OCA2: variants seen among roughly 807,000 people sequenced by gnomAD.
OCA2 encodes the protein OCA2 melanosomal transmembrane protein.
Under a neutral mutation model 100.2 loss-of-function variants are expected in OCA2, and 77 were observed. The observed-to-expected ratio is 0.77, with a 90% CI of 0.64 to 0.93. The LOEUF (loss-of-function observed/expected upper bound fraction) is 0.93. Among genes scored for constraint, OCA2 ranks in the 40% least tolerant of loss-of-function variants. The probability of loss-of-function intolerance (pLI) is 0.00; values close to 1 mark genes in which losing one functional copy is unlikely to be tolerated. For missense variants in OCA2, 1,062 were observed against 1,089.1 expected (o/e 0.98, Z 0.35); for synonymous variants, 432 against 439.2 (o/e 0.98, Z 0.21).
chr15:27,878,252 G>C (rs1257787330), intron 19 of OCA2, among the ~76,000 whole-genome samples: 1 of 151,790 alleles, frequency 6.6e-6, no homozygotes, highest in African/African-American at 2.4e-5. Context: ...TTTGAAGAAC[G>C]TAAGAGGGAA....
At chr15:28,080,281 A>G (rs999717684) in intron 2 of OCA2, among the ~76,000 whole-genome samples, 3 of 152,240 alleles carry the variant, frequency 2.0e-5, no homozygotes, top group African/African-American at 4.8e-5. Flanking sequence ...ATCTGGGGGG[A>G]ACAGACACAT....
chr15:27,980,735 A>G (rs1463124360), intron 14 of OCA2, among the ~76,000 whole-genome samples: 1 of 152,236 alleles, frequency 6.6e-6, no homozygotes, highest in Non-Finnish European at 1.5e-5. Context: ...ATCTCTAAAG[A>G]GAAATATATT....
At chr15:28,096,230 T>TGTGTCTCCTGGGGCGTGGTC (rs2044979502) in intron 1 of OCA2, among the ~76,000 whole-genome samples, 1 of 145,302 alleles carries the variant, frequency 6.9e-6, no homozygotes, top group Admixed American at 6.8e-5. Context: ...GGGGCGTGGT[T>TGTGTCTCCTGGGGCGTGGTC]GTGTCTCCTG....
At chr15:27,910,954 TA>T (rs796194378) in intron 19 of OCA2, among the ~76,000 whole-genome samples, 2 of 145,554 alleles carry the variant, frequency 1.4e-5, no homozygotes, top group Non-Finnish European at 1.5e-5. Flanking sequence ...AGACTCCATC[TA>T]AAAAAAAAGA....
intron 18 of OCA2, among the ~76,000 whole-genome samples, chr15:27,942,878 C>A (rs1487932242): frequency 6.6e-6 from 1 of 152,022 alleles, no homozygotes; most frequent in Non-Finnish European, 1.5e-5. Context: ...TATTTATCAT[C>A]ATTCTGAAAT....
At chr15:27,932,787 A>G (rs2039301107) in intron 18 of OCA2, among the ~76,000 whole-genome samples, 1 of 152,232 alleles carries the variant, frequency 6.6e-6, no homozygotes, top group East Asian at 1.9e-4. Context: ...CAGTGACCAT[A>G]CATGACAAGG....
intron 4 of OCA2, among the ~76,000 whole-genome samples, chr15:28,025,840 T>G (rs1254745766): frequency 6.6e-6 from 1 of 152,272 alleles, no homozygotes; most frequent in Non-Finnish European, 1.5e-5. Flanking sequence ...TTGGAACATC[T>G]TTTTAATACT....
At position 27,836,242 on chromosome 15, in the gene OCA2, C is replaced by T. The variant is rs189394524; in HGVS notation, c.2432+8717G>A. On this transcript the variant is annotated intron_variant, in intron 23 of 23. Coordinates refer to ENST00000354638, the MANE Select transcript of OCA2 (RefSeq NM_000275.3). Reference sequence around the variant, plus strand: ...CAACAGGAGAGGTTCTTTGAGTTTACATTAAGGGAGGGAAAAGGGCAGGGG... The same window carrying T: ...CAACAGGAGAGGTTCTTTGAGTTTATATTAAGGGAGGGAAAAGGGCAGGGG... Among the ~76,000 whole-genome samples, 70 of 152,254 alleles carry T rather than the reference C, an allele frequency of 4.6e-4. 1 individual carries two copies. Among genetic ancestry groups the T allele is most frequent in the African/African-American group, 1.6e-3 (68 of 41,546 alleles).
chr15:27,879,254 A>C (rs180802425), intron 19 of OCA2, among the ~76,000 whole-genome samples: 1 of 152,278 alleles, frequency 6.6e-6, no homozygotes, highest in African/African-American at 2.4e-5. Flanking sequence ...CCAGGCTATC[A>C]TTGTAGGGCA....
At chr15:28,098,350 C>T (rs2045024018) in intron 1 of OCA2, among the ~76,000 whole-genome samples, 1 of 152,232 alleles carries the variant, frequency 6.6e-6, no homozygotes, top group South Asian at 2.1e-4. Context: ...AGCTCCTTGC[C>T]CTGGCAGGCC....
intron 9 of OCA2, among the ~76,000 whole-genome samples, chr15:27,993,027 G>C (rs1318107530): frequency 6.6e-6 from 1 of 152,266 alleles, no homozygotes; most frequent in East Asian, 1.9e-4. Flanking sequence ...GGGAGTCTGA[G>C]GTGGGAGAAT....
intron 19 of OCA2, among the ~76,000 whole-genome samples, chr15:27,891,969 A>G (rs2037480177): frequency 6.6e-6 from 1 of 152,166 alleles, no homozygotes. Flanking sequence ...TACTAGAGGG[A>G]CAGAAAATTA....
chr15:27,942,483 TC>T (rs899300676), intron 18 of OCA2, among the ~76,000 whole-genome samples: 3 of 151,904 alleles, frequency 2.0e-5, no homozygotes, highest in African/African-American at 7.3e-5. Flanking sequence ...ATTAGTGGTT[TC>T]CAGGGTCTGG....
intron 3 of OCA2, among the ~76,000 whole-genome samples, chr15:28,031,749 G>C (rs867977749): frequency 6.6e-6 from 1 of 152,124 alleles, no homozygotes; most frequent in South Asian, 2.1e-4. Context: ...ACAACCAAAA[G>C]TGTCTCCAGA....
the OCA2 span, among the ~76,000 whole-genome samples, chr15:27,745,752 C>T: frequency 2.0e-5 from 3 of 152,282 alleles, no homozygotes; most frequent in East Asian, 5.8e-4. Context: ...AAACATTTGC[C>T]ATCTATAGCA....
intron 2 of OCA2, among the ~76,000 whole-genome samples, chr15:28,060,210 G>A (rs569410458): frequency 1.3e-5 from 2 of 152,272 alleles, no homozygotes; most frequent in East Asian, 3.9e-4. Flanking sequence ...CCTGGAACTG[G>A]AGGCCAGGAA....
intron 23 of OCA2, among the ~76,000 whole-genome samples, chr15:27,793,224 C>T (rs768510538): frequency 3.3e-5 from 5 of 152,116 alleles, no homozygotes; most frequent in African/African-American, 7.2e-5. Flanking sequence ...AAAAGTATCA[C>T]GTATGTAGCT....
At chr15:27,939,173 T>C (rs1308751222) in intron 18 of OCA2, among the ~76,000 whole-genome samples, 1 of 152,262 alleles carries the variant, frequency 6.6e-6, no homozygotes, top group African/African-American at 2.4e-5. Context: ...GACAAACTCA[T>C]AAAAATGTCA....
chr15:27,749,191 A>T, the OCA2 span, among the ~76,000 whole-genome samples: 20 of 152,228 alleles, frequency 1.3e-4, no homozygotes, highest in Admixed American at 7.2e-4. Flanking sequence ...GAAATTAAAT[A>T]AAAAAAAGAA....
Sources: allele counts gnomAD v4.1 joint callset (sites outside exome capture counted in the v4.1 genomes callset), GRCh38; gene constraint gnomAD v4.1.1; transcripts MANE v1.5; gene names NCBI Gene and HGNC (gene_info 2026-07-23, HGNC 2026-07-21).